LINGO2: variants seen among roughly 807,000 people sequenced by gnomAD.
The protein encoded by LINGO2 is leucine-rich repeat and immunoglobulin-like domain-containing nogo receptor-interacting protein 2.
Under a neutral mutation model 30.6 loss-of-function variants are expected in LINGO2, and 14 were observed. That is an observed-to-expected ratio of 0.46 (90% CI 0.30 to 0.72). The LOEUF (loss-of-function observed/expected upper bound fraction) is 0.72, where lower values mean the gene tolerates loss of function less well. LINGO2 is among the 30% of genes least tolerant of loss of function. The pLI is 0.07. For missense variants in LINGO2, 729 were observed against 751.7 expected (o/e 0.97, Z 0.35); for synonymous variants, 317 against 288.5 (o/e 1.10, Z -1.00).
At chr9:28,521,008 G>A (rs983086861) in intron 1 of LINGO2, among the ~76,000 whole-genome samples, 8 of 152,084 alleles carry the variant, frequency 5.3e-5, no homozygotes, top group Admixed American at 1.3e-4. Flanking sequence ...TGTGTAAAAT[G>A]TTTAAATCCC....
intron 5 of LINGO2, among the ~76,000 whole-genome samples, chr9:27,977,800 A>G (rs959072870): frequency 6.6e-6 from 1 of 151,898 alleles, no homozygotes. Flanking sequence ...GAAAAAAAAA[A>G]AGGAAGAGAA....
chr9:28,247,565 C>A (rs979573430), intron 4 of LINGO2, among the ~76,000 whole-genome samples: 1 of 151,994 alleles, frequency 6.6e-6, no homozygotes, highest in Non-Finnish European at 1.5e-5. Flanking sequence ...CACATGGACA[C>A]AGGGAGGGGA....
At position 28,443,286 on chromosome 9, in the gene LINGO2, T is replaced by C. The variant is rs576256719; in HGVS notation, c.-279+32654A>G. ...TAATGGATAATGTCATTTAAACTTATGGTGGTAGAGGCCCATCTGGAGCAA... is the reference window on the plus strand; with the variant it reads ...TAATGGATAATGTCATTTAAACTTACGGTGGTAGAGGCCCATCTGGAGCAA... On this transcript the variant is annotated intron_variant, in intron 2 of 5. Coordinates refer to ENST00000379992, the Ensembl canonical transcript of LINGO2. 2.0e-5 allele frequency among the ~76,000 whole-genome samples: 3 copies of C among 152,324 alleles called. No individual in the cohort carries two copies. The South Asian group carries it at 6.2e-4, about 32-fold the overall frequency.
chr9:28,380,001 A>G (rs1306072258), intron 2 of LINGO2, among the ~76,000 whole-genome samples: 5 of 152,086 alleles, frequency 3.3e-5, no homozygotes, highest in Non-Finnish European at 7.4e-5. Context: ...GGGGTTCACA[A>G]ATTACAGGCC....
chr9:28,553,409 T>C (rs1390675856), intron 1 of LINGO2, among the ~76,000 whole-genome samples: 1 of 151,578 alleles, frequency 6.6e-6, no homozygotes, highest in South Asian at 2.1e-4. Context: ...CAATGGAAGA[T>C]GAAATGAATG....
the LINGO2 span, among the ~76,000 whole-genome samples, chr9:28,902,985 C>T: frequency 1.3e-5 from 2 of 150,430 alleles, no homozygotes; most frequent in Non-Finnish European, 3.0e-5. Flanking sequence ...AAGAAACAAA[C>T]TAAACCTAAA....
At chr9:28,922,432 A>T in the LINGO2 span, among the ~76,000 whole-genome samples, 1 of 152,182 alleles carries the variant, frequency 6.6e-6, no homozygotes, top group Non-Finnish European at 1.5e-5. Flanking sequence ...ATAAGTTTCA[A>T]TGAGTTATTT....
At chr9:28,091,219 A>C (rs1826074248) in intron 4 of LINGO2, among the ~76,000 whole-genome samples, 1 of 152,182 alleles carries the variant, frequency 6.6e-6, no homozygotes, top group African/African-American at 2.4e-5. Flanking sequence ...AACTACTTTA[A>C]AGTTCATTAG....
intron 2 of LINGO2, among the ~76,000 whole-genome samples, chr9:28,413,617 G>T (rs1219757268): frequency 6.6e-6 from 1 of 152,044 alleles, no homozygotes; most frequent in Non-Finnish European, 1.5e-5. Context: ...TTGGCACAGG[G>T]TACCACAATG....
the LINGO2 span, among the ~76,000 whole-genome samples, chr9:28,925,891 C>A: frequency 6.6e-6 from 1 of 152,172 alleles, no homozygotes; most frequent in South Asian, 2.1e-4. Context: ...CACATAGAGA[C>A]CTTGGGTCCA....
chr9:28,008,547 A>G (rs1215419668), intron 5 of LINGO2, among the ~76,000 whole-genome samples: 1 of 147,746 alleles, frequency 6.8e-6, no homozygotes, highest in Non-Finnish European at 1.5e-5. Flanking sequence ...TGTTGATGAC[A>G]TCTAAAATAA....
chr9:28,043,758 C>T (rs770191545), intron 4 of LINGO2, among the ~76,000 whole-genome samples: 7 of 152,180 alleles, frequency 4.6e-5, no homozygotes, highest in Non-Finnish European at 8.8e-5. Flanking sequence ...TACATGGAAA[C>T]AATCCTGGCA....
chr9:28,313,744 C>G (rs1038931499), intron 3 of LINGO2, among the ~76,000 whole-genome samples: 7 of 152,128 alleles, frequency 4.6e-5, no homozygotes, highest in African/African-American at 1.7e-4. Context: ...TTCCCTAATG[C>G]AAACTGGAAA....
intron 3 of LINGO2, among the ~76,000 whole-genome samples, chr9:28,357,016 A>G (rs1820234446): frequency 6.6e-6 from 1 of 152,152 alleles, no homozygotes; most frequent in Non-Finnish European, 1.5e-5. Context: ...CTAGGCTCCT[A>G]TGCAATCAAT....
chr9:28,499,657 A>G (rs1055744534), intron 1 of LINGO2, among the ~76,000 whole-genome samples: 5 of 152,236 alleles, frequency 3.3e-5, no homozygotes, highest in African/African-American at 1.2e-4. Flanking sequence ...TCTGAAAATT[A>G]AACAACGTAA....
intron 4 of LINGO2, among the ~76,000 whole-genome samples, chr9:28,026,779 T>G (rs118046464): frequency 0.012 from 1,841 of 152,288 alleles, 21 homozygotes; most frequent in Non-Finnish European, 0.019. Flanking sequence ...ACATCCTTAT[T>G]CTCTTGGCTA....
At chr9:27,961,891 T>G (rs953199732) in intron 5 of LINGO2, among the ~76,000 whole-genome samples, 1 of 152,104 alleles carries the variant, frequency 6.6e-6, no homozygotes, top group Admixed American at 6.6e-5. Flanking sequence ...GCCAAGATTA[T>G]TTACACTCTT....
At chr9:28,878,151 G>A in the LINGO2 span, among the ~76,000 whole-genome samples, 9 of 147,092 alleles carry the variant, frequency 6.1e-5, no homozygotes, top group South Asian at 2.0e-3. Context: ...AATGATAAAG[G>A]GGATATCACC....
chr9:28,836,768 T>C, the LINGO2 span, among the ~76,000 whole-genome samples: 52 of 152,198 alleles, frequency 3.4e-4, no homozygotes, highest in Non-Finnish European at 7.1e-4. Flanking sequence ...TAGTAACTAC[T>C]TTAAGAACAC....
Sources: allele counts gnomAD v4.1 joint callset (sites outside exome capture counted in the v4.1 genomes callset), GRCh38; gene constraint gnomAD v4.1.1; transcripts MANE v1.5; gene names NCBI Gene and HGNC (gene_info 2026-07-23, HGNC 2026-07-21).